The following AP4S1 variants were observed in gnomAD, a reference collection of about 807,000 sequenced individuals.
AP4S1 encodes adaptor related protein complex 4 subunit sigma 1.
In AP4S1, 23 loss-of-function variants were observed where a neutral mutation model predicts 19.8. The observed-to-expected ratio is 1.16, with a 90% confidence interval of 0.84 to 1.65. AP4S1 has a LOEUF of 1.65. Among genes scored for constraint, AP4S1 ranks in the 40% most tolerant of loss-of-function variants. The pLI is 0.00. For synonymous variants in AP4S1, 46 were observed against 54.1 expected (o/e 0.85, Z 0.66); for missense variants, 166 against 172.8 (o/e 0.96, Z 0.22).
intron 4 of AP4S1, among the ~76,000 whole-genome samples, chr14:31,073,469 A>G (rs12880057): frequency 0.49 from 70,029 of 142,926 alleles, 18,116 homozygotes; most frequent in Admixed American, 0.62. Flanking sequence ...CAGCCTGGGC[A>G]ACAGAGCGAG....
intron 1 of AP4S1, among the ~76,000 whole-genome samples, chr14:31,049,474 T>TACACACACACACACACACACACAC (rs1165169644): frequency 1.4e-3 from 78 of 57,172 alleles, no homozygotes; most frequent in South Asian, 2.3e-3. Context: ...TATATATATG[T>TACACACACACACACACACACACAC]ACACACACAC....
At chr14:31,044,332 C>G (rs1885272655) in intron 1 of AP4S1, among the ~76,000 whole-genome samples, 1 of 151,926 alleles carries the variant, frequency 6.6e-6, no homozygotes, top group African/African-American at 2.4e-5. Flanking sequence ...AGGAGAAACA[C>G]ATTATATGTC....
At chr14:31,034,634 T>A (rs1321780972) in intron 1 of AP4S1, among the ~76,000 whole-genome samples, 240 of 140,672 alleles carry the variant, frequency 1.7e-3, no homozygotes, top group Non-Finnish European at 2.7e-3. Flanking sequence ...TTTTTTTTTT[T>A]AGACAGAGTC....
intron 1 of AP4S1, among the ~76,000 whole-genome samples, chr14:31,057,978 G>A (rs992609205): frequency 2.6e-5 from 4 of 151,450 alleles, no homozygotes; most frequent in African/African-American, 9.7e-5. Flanking sequence ...CACCCAGGCT[G>A]GAGTGCAGTG....
intron 5 of AP4S1, chr14:31,083,494 C>CTTT (rs1566545603): frequency 1.3e-4 from 37 of 275,992 alleles, no homozygotes; most frequent in African/African-American, 5.3e-4. Flanking sequence ...TCTGTTGACA[C>CTTT]TCTTTTTTTT....
intron 1 of AP4S1, among the ~76,000 whole-genome samples, chr14:31,053,295 A>G (rs1016395500): frequency 1.3e-5 from 2 of 152,098 alleles, no homozygotes; most frequent in East Asian, 3.9e-4. Context: ...AATTTTCTCC[A>G]TCAGTCAGTA....
intron 1 of AP4S1, among the ~76,000 whole-genome samples, chr14:31,029,647 G>C (rs956488311): frequency 2.0e-5 from 3 of 152,036 alleles, no homozygotes; most frequent in African/African-American, 7.3e-5. Context: ...GCAAAACCCT[G>C]TCCCTACCAA....
chr14:31,048,354 A>G (rs946833136), intron 1 of AP4S1, among the ~76,000 whole-genome samples: 1 of 151,492 alleles, frequency 6.6e-6, no homozygotes, highest in African/African-American at 2.4e-5. Context: ...CACCCACCTC[A>G]GCCTCCCAAA....
In AP4S1 at chr14:31,066,217, G is replaced by A. The variant is rs797045251; in HGVS notation, c.21G>A (p.Met7Ile). Residue 7 changes from methionine (M) to isoleucine (I), a missense_variant, in exon 2 of 6, where the codon ATG becomes ATA. Met to Ile is a conservative substitution (Grantham distance 10). Transcript: ENST00000542754. MIKFFL[M>I]VNKQGQTRLS... is the part of the protein sequence containing the mutation. Reference sequence around the variant, plus strand: ...GAAAAATGATAAAATTTTTCCTCATGGTGAATAAACAAGGGCAGACTCGAC... The same window carrying A: ...GAAAAATGATAAAATTTTTCCTCATAGTGAATAAACAAGGGCAGACTCGAC... 1 of 1,613,904 alleles carries A rather than the reference G, an allele frequency of 6.2e-7. No homozygotes were observed. Among genetic ancestry groups the A allele is most frequent in the South Asian group, 1.1e-5 (1 of 91,072 alleles).
chr14:31,038,895 C>T (rs1392198884), intron 1 of AP4S1, among the ~76,000 whole-genome samples: 4 of 151,970 alleles, frequency 2.6e-5, no homozygotes, highest in Non-Finnish European at 5.9e-5. Context: ...GTGAGTAATA[C>T]TGCCTTTCAA....
intron 1 of AP4S1, among the ~76,000 whole-genome samples, chr14:31,061,262 G>A (rs1012928328): frequency 6.6e-6 from 1 of 151,880 alleles, no homozygotes; most frequent in Admixed American, 6.6e-5. Flanking sequence ...CAGGTGATCT[G>A]CCCACCTCAG....
At chr14:31,083,459 A>C (rs1188790162) in intron 5 of AP4S1, 1 of 448,332 alleles carries the variant, frequency 2.2e-6, no homozygotes, top group African/African-American at 2.1e-5. Flanking sequence ...AGCAGGCAGC[A>C]GAGAAGGGCA....
intron 1 of AP4S1, among the ~76,000 whole-genome samples, chr14:31,035,977 G>A (rs939211050): frequency 1.3e-4 from 20 of 151,954 alleles, no homozygotes; most frequent in East Asian, 5.8e-4. Context: ...TGATCCGCCC[G>A]CCTTGGCCTC....
At chr14:31,035,596 A>G (rs1884698033) in intron 1 of AP4S1, among the ~76,000 whole-genome samples, 1 of 150,390 alleles carries the variant, frequency 6.6e-6, no homozygotes, top group Non-Finnish European at 1.5e-5. Context: ...TCAGGATCCA[A>G]ACAAAATCCA....
At chr14:31,082,678 T>G (rs541230259) in intron 5 of AP4S1, among the ~76,000 whole-genome samples, 1 of 151,464 alleles carries the variant, frequency 6.6e-6, no homozygotes, top group South Asian at 2.1e-4. Context: ...GGGTGGATCA[T>G]GAGGTCAGGA....
intron 1 of AP4S1, among the ~76,000 whole-genome samples, chr14:31,049,242 T>C (rs1473537596): frequency 2.7e-5 from 4 of 150,456 alleles, no homozygotes; most frequent in Non-Finnish European, 1.5e-5. Context: ...TGAAACCCTG[T>C]CTCTACTAAA....
At chr14:31,054,554 C>A (rs1453271543) in intron 1 of AP4S1, among the ~76,000 whole-genome samples, 1 of 151,996 alleles carries the variant, frequency 6.6e-6, no homozygotes, top group Admixed American at 6.6e-5. Flanking sequence ...TGGTGGCAGG[C>A]ACCTGTAGTC....
intron 1 of AP4S1, among the ~76,000 whole-genome samples, chr14:31,027,557 G>T (rs1321907475): frequency 6.6e-6 from 1 of 152,176 alleles, no homozygotes; most frequent in East Asian, 1.9e-4. Flanking sequence ...AGCTCCTGGG[G>T]AGGCTGAGGC....
chr14:31,067,429 C>G (rs1014570006), intron 2 of AP4S1, among the ~76,000 whole-genome samples: 7 of 127,920 alleles, frequency 5.5e-5, no homozygotes, highest in African/African-American at 1.7e-4. Context: ...CCCCTCCCCC[C>G]ACCCTACCAC....
Sources: gnomAD v4.1 joint callset for allele counts (sites outside exome capture counted in the v4.1 genomes callset) on GRCh38, gnomAD v4.1.1 for gene constraint, MANE v1.5 for transcripts, NCBI Gene and HGNC (gene_info 2026-07-23, HGNC 2026-07-21) for gene names.